Variants in NSUN7 observed in about 807,000 individuals in gnomAD.
NSUN7 encodes the protein NOP2/Sun RNA methyltransferase family member 7, also known as protein NSUN7.
A neutral mutation model predicts 58.5 loss-of-function variants in NSUN7; 39 were observed. That is an observed-to-expected ratio of 0.67 (90% CI 0.52 to 0.87). The LOEUF (loss-of-function observed/expected upper bound fraction) is 0.87, where lower values mean the gene tolerates loss of function less well. NSUN7 is among the 40% of genes least tolerant of loss of function. NSUN7 has a pLI of 0.00. For synonymous variants in NSUN7, 278 were observed against 303.7 expected, an observed-to-expected ratio of 0.92 and a Z score of 0.88; for missense variants, 765 against 844.1, an observed-to-expected ratio of 0.91 and a Z score of 1.16.
intron 7 of NSUN7, among the ~76,000 whole-genome samples, chr4:40,784,886 T>TATATATATAA (rs1742735930): frequency 6.6e-6 from 1 of 152,074 alleles, no homozygotes; most frequent in East Asian, 1.9e-4. Flanking sequence ...ATATAGAAGA[T>TATATATATAA]GGAAACAACA....
At chr4:40,799,171 C>T (rs538831158) in intron 10 of NSUN7, among the ~76,000 whole-genome samples, 17 of 142,830 alleles carry the variant, frequency 1.2e-4, no homozygotes, top group African/African-American at 2.9e-4. Flanking sequence ...CTACAAACTC[C>T]GCCTCCCAGG....
At chr4:40,764,920 T>TG (rs1465620699) in intron 4 of NSUN7, among the ~76,000 whole-genome samples, 8 of 151,944 alleles carry the variant, frequency 5.3e-5, no homozygotes, top group African/African-American at 1.9e-4. Flanking sequence ...CACTTTTTGA[T>TG]GGGGTTGTTT....
chr4:40,786,117 G>A (rs1047775444), intron 7 of NSUN7: 2 of 1,563,550 alleles, frequency 1.3e-6, no homozygotes, highest in African/African-American at 2.8e-5. Flanking sequence ...TGGAAATGGG[G>A]AATGGGCTAT....
chr4:40,809,546 GTC>G lies in NSUN7; in HGVS notation c.*612_*613del, dbSNP rs1744069111. 1 of 152,156 alleles carries G rather than the reference GTC, an allele frequency of 6.6e-6. No individual in the cohort carries two copies. Among genetic ancestry groups the G allele is most frequent in the Admixed American group, 6.5e-5 (1 of 15,274 alleles). 9.4% of individuals were successfully genotyped at this position (152,156 alleles called of 1,614,324 possible). On this transcript the variant is annotated 3_prime_UTR_variant, in exon 12 of 12. Transcript: ENST00000381782. ...CTCAGAGTTCCTTTTACAGTGAGGT[GTC>G]TCTCACTGGGGGAGCTTCCAGGATC...
chr4:40,796,881 T>A (rs1289094179), intron 9 of NSUN7, among the ~76,000 whole-genome samples: 1 of 152,162 alleles, frequency 6.6e-6, no homozygotes, highest in Non-Finnish European at 1.5e-5. Context: ...TTGTAAAAAA[T>A]TCCTGTAACT....
chr4:40,777,160 A>G (rs1192888327), intron 7 of NSUN7, among the ~76,000 whole-genome samples: 1 of 152,062 alleles, frequency 6.6e-6, no homozygotes, highest in African/African-American at 2.4e-5. Flanking sequence ...CAGTCCTCCA[A>G]AGAATTAGAA....
chr4:40,761,423 T>G (rs1363787988), intron 4 of NSUN7, 122 bp downstream of exon 4: 2 of 753,982 alleles, frequency 2.7e-6, no homozygotes, highest in East Asian at 3.2e-5. Context: ...ATATAAAAAT[T>G]CATAAAATTC....
rs1393680123 is a variant in NSUN7 at position 40,750,829 on chromosome 4, G to A, written c.136G>A (p.Val46Ile). The stretch of plus-strand genomic sequence containing the variant: ...CGAAAAAACGGGCTATCCGGACTCC[G>A]TTTATGTCATGGCAGCCAACATTTT... ...VPEKTGYPDS[V>I]YVMAANIFQG... The change falls in exon 2 of 12, where the codon GTT (valine) becomes ATT (isoleucine). Residue 46 changes from valine (V) to isoleucine (I), a missense_variant. Physicochemically the swap from Val to Ile is conservative, Grantham distance 29. Transcript: ENST00000381782. The A allele has an allele frequency of 1.2e-6, 2 of 1,614,178 alleles. No individual in the cohort carries two copies. Among genetic ancestry groups the A allele is most frequent in the East Asian group, 2.2e-5 (1 of 44,882 alleles).
At chr4:40,792,690 T>A (rs1743140322) in intron 8 of NSUN7, among the ~76,000 whole-genome samples, 1 of 151,804 alleles carries the variant, frequency 6.6e-6, no homozygotes, top group Non-Finnish European at 1.5e-5. Context: ...GGGCGGAGCC[T>A]GCAGTGAGCC....
At chr4:40,805,452 GA>G (rs1743773744) in intron 10 of NSUN7, among the ~76,000 whole-genome samples, 1 of 152,118 alleles carries the variant, frequency 6.6e-6, no homozygotes. Flanking sequence ...CTTGTGTTTT[GA>G]ATCTCTGACT....
intron 7 of NSUN7, among the ~76,000 whole-genome samples, chr4:40,787,043 A>AAG (rs1241908373): frequency 6.6e-6 from 1 of 152,148 alleles, no homozygotes; most frequent in East Asian, 1.9e-4. Context: ...AGTGAAAAAA[A>AAG]AAAAAGAAAA....
chr4:40,778,887 A>T (rs868635713), intron 7 of NSUN7, among the ~76,000 whole-genome samples: 31 of 152,370 alleles, frequency 2.0e-4, no homozygotes, highest in African/African-American at 5.8e-4. Context: ...CATAATGCTG[A>T]AAGAAACTGC....
At chr4:40,751,421 GC>G (rs149131081) in intron 2 of NSUN7, among the ~76,000 whole-genome samples, 6,800 of 152,034 alleles carry the variant, frequency 0.045, 213 homozygotes, top group Non-Finnish European at 0.068. Context: ...ACCACGCCTG[GC>G]CTCCCTGTGT....
rs2465567 is a variant in NSUN7 at position 40,791,825 on chromosome 4, G to T, written c.1180+1080G>T. Among the ~76,000 whole-genome samples, 590 of 152,244 alleles carry T rather than the reference G, an allele frequency of 3.9e-3. 3 individuals are homozygous for T. The highest frequency in any genetic ancestry group is 0.014 in the African/African-American group (563 of 41,536). ...ATATTCTAGGTAGTGTTCACATACT[G>T]TCACTTAGTATTCACAATAACTTTT... On this transcript the variant is annotated intron_variant, in intron 8 of 11. Coordinates refer to ENST00000381782, the MANE Select transcript of NSUN7 (RefSeq NM_024677.6).
Position 40,775,104 on chromosome 4 carries a change from C to T in NSUN7, c.825+154C>T. On this transcript the variant is annotated intron_variant, in intron 6 of 11. Coordinates refer to ENST00000381782, the MANE Select transcript of NSUN7 (RefSeq NM_024677.6). The surrounding 1 kb of genome is among the most constrained non-coding windows in gnomAD (Gnocchi z 4.3). ...TTGTCACCTTGAATAAAATTAATAC[C>T]TCTACAATCAGTGCATCTGGTTGGC... 2 of 412,596 alleles carry T rather than the reference C, an allele frequency of 4.8e-6. No individual in the cohort carries two copies. 25.6% of individuals were successfully genotyped at this position (412,596 alleles called of 1,614,324 possible).
chr4:40,759,010 A>T (rs575689918), intron 2 of NSUN7, among the ~76,000 whole-genome samples: 14 of 152,294 alleles, frequency 9.2e-5, no homozygotes, highest in South Asian at 6.2e-4. Context: ...TGTTCAACTG[A>T]TTAAAGCATT....
At chr4:40,753,426 A>T (rs1740937167) in intron 2 of NSUN7, among the ~76,000 whole-genome samples, 4 of 151,914 alleles carry the variant, frequency 2.6e-5, no homozygotes, top group Admixed American at 2.6e-4. Flanking sequence ...GGCACCTGCC[A>T]CCACGCCTGG....
intron 7 of NSUN7, among the ~76,000 whole-genome samples, chr4:40,785,383 G>A (rs1424276456): frequency 6.6e-6 from 1 of 151,442 alleles, no homozygotes; most frequent in African/African-American, 2.4e-5. Flanking sequence ...TTTTGAGATG[G>A]AGTTTCACTC....
chr4:40,777,580 T>G (rs1189637822), intron 7 of NSUN7, among the ~76,000 whole-genome samples: 4 of 152,198 alleles, frequency 2.6e-5, no homozygotes, highest in Admixed American at 6.5e-5. Context: ...CCTCCCAAAG[T>G]GCTAGGATTA....
Sources: gnomAD v4.1 joint callset for allele counts (sites outside exome capture counted in the v4.1 genomes callset) on GRCh38, gnomAD v4.1.1 for gene constraint, Gnocchi (gnomAD v3.1) non-coding constraint, MANE v1.5 for transcripts, NCBI Gene and HGNC (gene_info 2026-07-23, HGNC 2026-07-21) for gene names.